Variants in CNTN4 observed in about 807,000 individuals in gnomAD.
CNTN4 encodes contactin-4.
In CNTN4, 77 loss-of-function variants were observed where a neutral mutation model predicts 122.5. That is an observed-to-expected ratio of 0.63 (90% CI 0.52 to 0.76). The LOEUF is 0.76. CNTN4 is among the 30% of genes least tolerant of loss of function. The pLI, the probability that CNTN4 is intolerant of heterozygous loss-of-function variation, is 0.00. For synonymous variants in CNTN4, 512 were observed against 447.0 expected (o/e 1.15, Z -1.83); for missense variants, 1,256 against 1,259.1 (o/e 1.00, Z 0.04).
chr3:2,898,553 G>C (rs1379719407), intron 10 of CNTN4, among the ~76,000 whole-genome samples: 1 of 152,112 alleles, frequency 6.6e-6, no homozygotes, highest in Non-Finnish European at 1.5e-5. Context: ...CCTGCTTCTT[G>C]AGATTGCAAG....
intron 4 of CNTN4, among the ~76,000 whole-genome samples, chr3:2,588,152 A>G (rs892133373): frequency 1.3e-5 from 2 of 152,164 alleles, no homozygotes; most frequent in African/African-American, 4.8e-5. Context: ...GATAAAGACA[A>G]CAGAAACAAA....
chr3:2,506,085 C>G (rs531123308), intron 3 of CNTN4, among the ~76,000 whole-genome samples: 3 of 151,932 alleles, frequency 2.0e-5, no homozygotes, highest in African/African-American at 7.2e-5. Flanking sequence ...AGCTTTGTTT[C>G]TGCCGGTTTT....
intron 4 of CNTN4, among the ~76,000 whole-genome samples, chr3:2,640,390 T>C (rs534452035): frequency 6.6e-6 from 1 of 152,328 alleles, no homozygotes; most frequent in Non-Finnish European, 1.5e-5. Flanking sequence ...TAAGGCTTTC[T>C]ACCAAAAGCA....
intron 10 of CNTN4, among the ~76,000 whole-genome samples, chr3:2,895,759 G>A (rs2094102359): frequency 6.6e-6 from 1 of 152,248 alleles, no homozygotes; most frequent in South Asian, 2.1e-4. Flanking sequence ...GAGGGGCTGG[G>A]CGCAGTGGCT....
chr3:2,909,965 T>A (rs540395048), intron 12 of CNTN4, among the ~76,000 whole-genome samples: 1 of 152,304 alleles, frequency 6.6e-6, no homozygotes, highest in East Asian at 1.9e-4. Context: ...TTGAACATAG[T>A]CTCCCTACCA....
intron 3 of CNTN4, among the ~76,000 whole-genome samples, chr3:2,445,272 T>C (rs993649893): frequency 6.6e-6 from 1 of 152,182 alleles, no homozygotes; most frequent in Non-Finnish European, 1.5e-5. Context: ...TTTGTGGCCT[T>C]GGTAACAGCC....
At chr3:2,858,426 A>G (rs1451534713) in intron 7 of CNTN4, among the ~76,000 whole-genome samples, 1 of 152,230 alleles carries the variant, frequency 6.6e-6, no homozygotes, top group East Asian at 1.9e-4. Flanking sequence ...GTTTGTTTCA[A>G]GAAAAGCCCA....
rs551795329 is a variant in CNTN4 at position 2,878,245 on chromosome 3, T to C, written c.653-4900T>C. On this transcript the variant is annotated intron_variant, in intron 8 of 24. Transcript: ENST00000418658. ...AAATCACTCACTCTGTGTGACTAGA[T>C]AAACAACATATACAGATCATTTTAG... Among the ~76,000 whole-genome samples, 185 of 152,284 alleles carry C rather than the reference T, an allele frequency of 1.2e-3. 1 individual carries two copies. The highest frequency in any genetic ancestry group is 2.2e-4 in the Non-Finnish European group (15 of 68,020).
chr3:3,031,038 A>T, intron 16 of CNTN4, 63 bp downstream of exon 16: 1 of 1,605,254 alleles, frequency 6.2e-7, no homozygotes, highest in Non-Finnish European at 8.5e-7. Flanking sequence ...TGTAGCGCAG[A>T]GTTCCAGAAA....
At chr3:3,041,663 C>CT (rs1311979937) in intron 20 of CNTN4, among the ~76,000 whole-genome samples, 6 of 152,056 alleles carry the variant, frequency 3.9e-5, no homozygotes, top group Non-Finnish European at 8.8e-5. Flanking sequence ...AATAGTCTTC[C>CT]TTAAAAAAAA....
rs148955744 is a variant in CNTN4, at chr3:2,841,757, G to T, written c.454+22176G>T. On this transcript the variant is annotated intron_variant, in intron 7 of 24. Coordinates refer to ENST00000418658, the MANE Select transcript of CNTN4 (RefSeq NM_175607.3). The surrounding 1 kb of genome is among the most constrained non-coding windows in gnomAD (Gnocchi z 4.8). ...AAATATGTTTCACTCATGATAACAT[G>T]ATCATTTTCAGGAATTTTATTCTTC... 9.4e-3 allele frequency among the ~76,000 whole-genome samples: 1,426 copies of T among 152,250 alleles called. 13 individuals are homozygous for T. The highest frequency in any genetic ancestry group is 0.012 in the Non-Finnish European group (843 of 68,024).
At chr3:3,037,370 G>T in intron 18 of CNTN4, 42 bp downstream of exon 18, 1 of 1,613,732 alleles carries the variant, frequency 6.2e-7, no homozygotes, top group Non-Finnish European at 8.5e-7. Flanking sequence ...TCTGCCAGCT[G>T]CTGTTCCTTA....
At chr3:2,614,485 G>C (rs2081628021) in intron 4 of CNTN4, among the ~76,000 whole-genome samples, 1 of 152,160 alleles carries the variant, frequency 6.6e-6, no homozygotes, top group Non-Finnish European at 1.5e-5. Context: ...GTACAATTAG[G>C]CTGTTGTCCA....
chr3:2,244,347 A>G (rs1425672612), intron 2 of CNTN4, among the ~76,000 whole-genome samples: 2 of 152,048 alleles, frequency 1.3e-5, no homozygotes, highest in Non-Finnish European at 2.9e-5. Flanking sequence ...AAGCAAAACC[A>G]TGAATAAGTG....
chr3:2,714,992 G>C (rs1234480748), intron 4 of CNTN4, among the ~76,000 whole-genome samples: 1 of 152,184 alleles, frequency 6.6e-6, no homozygotes, highest in Admixed American at 6.5e-5. Context: ...GTGCTTTTAA[G>C]ATCTTTATCA....
At chr3:2,762,499 A>T (rs2090635766) in intron 6 of CNTN4, among the ~76,000 whole-genome samples, 1 of 152,192 alleles carries the variant, frequency 6.6e-6, no homozygotes, top group Non-Finnish European at 1.5e-5. Context: ...TTTGCTAAGG[A>T]TAATGGCTCC....
intron 2 of CNTN4, among the ~76,000 whole-genome samples, chr3:2,142,175 G>T (rs554329593): frequency 4.0e-4 from 61 of 151,000 alleles, no homozygotes; most frequent in African/African-American, 1.5e-3. Flanking sequence ...GATGTAAACA[G>T]TGTGGGTGCT....
intron 3 of CNTN4, among the ~76,000 whole-genome samples, chr3:2,384,749 A>G (rs2046173364): frequency 7.0e-6 from 1 of 143,158 alleles, no homozygotes; most frequent in Non-Finnish European, 1.5e-5. Flanking sequence ...ACCAGTAACA[A>G]CTCAATGTGT....
chr3:2,445,794 G>A (rs1471489154), intron 3 of CNTN4, among the ~76,000 whole-genome samples: 6 of 151,810 alleles, frequency 4.0e-5, no homozygotes, highest in South Asian at 2.1e-4. Flanking sequence ...ATATTTGATC[G>A]GAGCTTCCAG....
Sources: gnomAD v4.1 joint callset for allele counts (sites outside exome capture counted in the v4.1 genomes callset) on GRCh38, gnomAD v4.1.1 for gene constraint, Gnocchi (gnomAD v3.1) non-coding constraint, MANE v1.5 for transcripts, NCBI Gene and HGNC (gene_info 2026-07-23, HGNC 2026-07-21) for gene names.